Variants in UGT1A7 observed in about 807,000 individuals in gnomAD.
The protein encoded by UGT1A7 is UDP glucuronosyltransferase family 1 member A7, also known as UDP-glucuronosyltransferase 1A7.
Under a neutral mutation model 45.6 loss-of-function variants are expected in UGT1A7, and 33 were observed. That is an observed-to-expected ratio of 0.72 (90% CI 0.55 to 0.97). The LOEUF (loss-of-function observed/expected upper bound fraction) is 0.97. UGT1A7 is among the 50% of genes least tolerant of loss of function. The pLI is 0.00. For synonymous variants in UGT1A7, 274 were observed against 250.6 expected (o/e 1.09, Z -0.88); for missense variants, 684 against 666.2 (o/e 1.03, Z -0.29).
intron 1 of UGT1A7, among the ~76,000 whole-genome samples, chr2:233,766,494 G>A (rs1250106940): frequency 2.6e-5 from 4 of 152,182 alleles, no homozygotes; most frequent in African/African-American, 9.7e-5. Flanking sequence ...GGCGTGGCAG[G>A]CCAGGGTGGT....
intron 1 of UGT1A7, chr2:233,692,821 C>T (rs934359609): frequency 1.4e-6 from 2 of 1,433,108 alleles, no homozygotes; most frequent in Non-Finnish European, 1.8e-6. Context: ...TCATATTAAC[C>T]ATGTGATTAA....
intron 1 of UGT1A7, among the ~76,000 whole-genome samples, chr2:233,695,579 C>G (rs967801959): frequency 2.6e-5 from 4 of 151,918 alleles, no homozygotes; most frequent in Non-Finnish European, 2.9e-5. Flanking sequence ...CCCTTCCCTA[C>G]TTACCCTTTC....
intron 1 of UGT1A7, among the ~76,000 whole-genome samples, chr2:233,734,585 A>G (rs1334930397): frequency 1.3e-5 from 2 of 151,422 alleles, no homozygotes; most frequent in African/African-American, 4.9e-5. Context: ...TTGCTTATCT[A>G]GTTCTTTTAT....
At chr2:233,695,316 G>A (rs2075280466) in intron 1 of UGT1A7, among the ~76,000 whole-genome samples, 1 of 151,812 alleles carries the variant, frequency 6.6e-6, no homozygotes, top group African/African-American at 2.4e-5. Flanking sequence ...AGTAGAGGCG[G>A]GGTTTCACCA....
chr2:233,747,901 C>G (rs1437655661), intron 1 of UGT1A7: 1 of 1,613,426 alleles, frequency 6.2e-7, no homozygotes, highest in Non-Finnish European at 8.5e-7. Flanking sequence ...CTTTCTGCTC[C>G]TTATGCAAGC....
intron 1 of UGT1A7, among the ~76,000 whole-genome samples, chr2:233,711,664 A>G (rs527821361): frequency 2.0e-5 from 3 of 152,284 alleles, no homozygotes; most frequent in Admixed American, 6.5e-5. Context: ...GGTGGAATCT[A>G]TTATCAATGT....
At chr2:233,709,423 C>G (rs937009532) in intron 1 of UGT1A7, among the ~76,000 whole-genome samples, 2 of 152,056 alleles carry the variant, frequency 1.3e-5, no homozygotes, top group African/African-American at 4.8e-5. Context: ...TAAGAATGTC[C>G]TCCAGAAAGG....
At chr2:233,737,806 C>T (rs575024235) in intron 1 of UGT1A7, among the ~76,000 whole-genome samples, 1 of 152,098 alleles carries the variant, frequency 6.6e-6, no homozygotes, top group Non-Finnish European at 1.5e-5. Context: ...TCACTATCAT[C>T]TCAGTGGAGC....
chr2:233,769,493 G>A lies in UGT1A7; in HGVS notation c.1295+1054G>A. ...TGTGTGTGTGTGCGTGTGTTTATGA[G>A]AGTGTCCATTGCTTTCTCCCATGGT... On this transcript the variant is annotated intron_variant, in intron 4 of 4. Coordinates refer to ENST00000373426, the MANE Select transcript of UGT1A7 (RefSeq NM_019077.3). The surrounding 1 kb of genome is among the most constrained non-coding windows in gnomAD (Gnocchi z 4.4). 1 of 1,612,700 alleles carries A rather than the reference G, an allele frequency of 6.2e-7. No homozygotes were observed. Among genetic ancestry groups the A allele is most frequent in the East Asian group, 2.2e-5 (1 of 44,876 alleles).
At chr2:233,757,535 A>AATATATATACATATACATACATAT (rs376887521) in intron 1 of UGT1A7, among the ~76,000 whole-genome samples, 1 of 88,310 alleles carries the variant, frequency 1.1e-5, no homozygotes, top group South Asian at 5.2e-4. Flanking sequence ...GCCTGTAAGG[A>AATATATATACATATACATACATAT]ATATATATAT....
chr2:233,748,386 G>A (rs562746713), intron 1 of UGT1A7, among the ~76,000 whole-genome samples: 1 of 151,878 alleles, frequency 6.6e-6, no homozygotes, highest in African/African-American at 2.4e-5. Context: ...GTCCTTCATT[G>A]GGAAGGAGCA....
At chr2:233,693,690 A>G in intron 1 of UGT1A7, 1 of 1,614,250 alleles carries the variant, frequency 6.2e-7, no homozygotes, top group Non-Finnish European at 8.5e-7. Flanking sequence ...TTTTCAAAGT[A>G]TGAAGAACTC....
chr2:233,745,864 C>G (rs1478966611), intron 1 of UGT1A7, among the ~76,000 whole-genome samples: 1 of 151,232 alleles, frequency 6.6e-6, no homozygotes, highest in Non-Finnish European at 1.5e-5. Flanking sequence ...AGCTGCTGAC[C>G]AAGGTTCCAG....
chr2:233,715,581 G>A (rs2076458979), intron 1 of UGT1A7, among the ~76,000 whole-genome samples: 1 of 151,966 alleles, frequency 6.6e-6, no homozygotes, highest in Non-Finnish European at 1.5e-5. Flanking sequence ...AGAGCAGCCT[G>A]GGCAACATGC....
chr2:233,684,489 A>G (rs1035081818), intron 1 of UGT1A7, among the ~76,000 whole-genome samples: 7 of 152,168 alleles, frequency 4.6e-5, no homozygotes, highest in Non-Finnish European at 1.0e-4. Context: ...TCAAAGGGTC[A>G]CCCAAAGGGA....
chr2:233,712,815 C>G (rs2076256798), intron 1 of UGT1A7, among the ~76,000 whole-genome samples: 1 of 152,128 alleles, frequency 6.6e-6, no homozygotes, highest in Admixed American at 6.5e-5. Context: ...AGGGTGGGGC[C>G]CATAATGCAA....
Position 233,772,339 on chromosome 2 carries a change from G to C in UGT1A7, c.1373G>C (p.Trp458Ser), listed in dbSNP as rs1424603943. 4.3e-6 allele frequency: 7 copies of C among 1,614,256 alleles called. No individual in the cohort carries two copies. Among genetic ancestry groups the C allele is most frequent in the Non-Finnish European group, 5.9e-6 (7 of 1,180,038 alleles). ...GAGCCGCTGGACCTGGCCGTGTTCT[G>C]GGTGGAGTTTGTGATGAGGCACAAG... ...PVEPLDLAVF[W>S]VEFVMRHKGA... is the part of the protein sequence containing the mutation. The change falls in exon 5 of 5, where the codon TGG becomes TCG. Residue 458 changes from tryptophan to serine, a missense_variant. Transcript: ENST00000373426.
At chr2:233,752,726 CAGAG>C in intron 1 of UGT1A7, among the ~76,000 whole-genome samples, 1 of 152,282 alleles carries the variant, frequency 6.6e-6, no homozygotes, top group East Asian at 1.9e-4. Context: ...GCAACAGCTA[CAGAG>C]AGAGACCCTG....
chr2:233,737,322 T>C (rs904493315), intron 1 of UGT1A7, among the ~76,000 whole-genome samples: 1 of 152,214 alleles, frequency 6.6e-6, no homozygotes, highest in Admixed American at 6.5e-5. Flanking sequence ...ACTGCTGCAC[T>C]AGCAGTGAGC....
Sources: gnomAD v4.1 joint callset for allele counts (sites outside exome capture counted in the v4.1 genomes callset) on GRCh38, gnomAD v4.1.1 for gene constraint, Gnocchi (gnomAD v3.1) non-coding constraint, MANE v1.5 for transcripts, NCBI Gene and HGNC (gene_info 2026-07-23, HGNC 2026-07-21) for gene names.